The following ADTRP variants were observed in gnomAD, a reference collection of about 807,000 sequenced individuals.
ADTRP encodes androgen-dependent TFPI-regulating protein.
In ADTRP, 20 loss-of-function variants were observed where a neutral mutation model predicts 27.0. That is an observed-to-expected ratio of 0.74 (90% confidence interval 0.52 to 1.08). The LOEUF (loss-of-function observed/expected upper bound fraction) is 1.08. Among genes scored for constraint, ADTRP ranks in the 50% least tolerant of loss-of-function variants. The pLI, the probability that ADTRP is intolerant of heterozygous loss-of-function variation, is 0.00. For missense variants in ADTRP, 251 were observed against 275.0 expected (o/e 0.91, Z 0.62); for synonymous variants, 101 against 105.2 (o/e 0.96, Z 0.25).
At chr6:11,736,645 T>C (rs1325409619) in intron 3 of ADTRP, 1 of 152,508 alleles carries the variant, frequency 6.6e-6, no homozygotes, top group East Asian at 1.9e-4. Context: ...CTCCCTGGGA[T>C]TCAAATCCTC....
Position 11,714,337 on chromosome 6 carries a change from T to C in ADTRP, c.*141A>G, listed in dbSNP as rs780883932. Reference sequence around the variant, plus strand: ...AAGTTAAGCTACCTTCACGAACCTCTTATTAAATTTAAGTATCACTCTCTG... The same window carrying C: ...AAGTTAAGCTACCTTCACGAACCTCCTATTAAATTTAAGTATCACTCTCTG... On this transcript the variant is annotated 3_prime_UTR_variant, in exon 6 of 6. Transcript: ENST00000414691. The C allele has an allele frequency of 1.3e-4, 127 of 955,742 alleles. No homozygotes were observed. The highest frequency in any genetic ancestry group is 2.9e-4 in the Admixed American group (10 of 34,970). The allele number at this position is 955,742 out of a possible 1,614,324, so 59.2% of individuals were successfully genotyped here.
At chr6:11,715,462 G>A (rs571674759) in intron 5 of ADTRP, among the ~76,000 whole-genome samples, 1 of 152,186 alleles carries the variant, frequency 6.6e-6, no homozygotes, top group Admixed American at 6.5e-5. Flanking sequence ...TGATCATGCA[G>A]TCCTCATGGC....
intron 1 of ADTRP, among the ~76,000 whole-genome samples, chr6:11,777,678 G>A (rs1358698541): frequency 6.6e-6 from 1 of 152,174 alleles, no homozygotes; most frequent in East Asian, 1.9e-4. Flanking sequence ...CAACCAGTGA[G>A]GAGGAAGCAG....
chr6:11,733,907 A>G (rs1762463718), intron 4 of ADTRP, among the ~76,000 whole-genome samples: 3 of 152,196 alleles, frequency 2.0e-5, no homozygotes. Flanking sequence ...GGTGCTTTTC[A>G]TCTTCTTCAT....
chr6:11,768,308 T>TA lies in ADTRP; in HGVS notation c.228dup (p.Lys77Ter), dbSNP rs1193446779. 1 of 1,614,098 alleles carries TA rather than the reference T, an allele frequency of 6.2e-7. No homozygotes were observed. The highest frequency in any genetic ancestry group is 2.2e-5 in the East Asian group (1 of 44,900). The stretch of plus-strand genomic sequence containing the variant: ...AGGTCTCTGAAGGCAGTTAGGAACT[T>TA]AATGTCTTTTCCCCCTTTGGTTCTT... On this transcript the variant is annotated frameshift_variant, in exon 2 of 6. Coordinates refer to ENST00000414691, the MANE Select transcript of ADTRP (RefSeq NM_032744.4). LOFTEE classifies it high-confidence loss of function.
chr6:11,765,670 C>G (rs1763549593), intron 3 of ADTRP, among the ~76,000 whole-genome samples: 1 of 152,014 alleles, frequency 6.6e-6, no homozygotes, highest in South Asian at 2.1e-4. Context: ...GACCTGGCAA[C>G]CTCATGCCAG....
chr6:11,746,422 T>TG (rs1762868163), intron 3 of ADTRP, among the ~76,000 whole-genome samples: 1 of 152,114 alleles, frequency 6.6e-6, no homozygotes, highest in African/African-American at 2.4e-5. Flanking sequence ...GTCTTTGTGG[T>TG]GGGGGGTAGG....
chr6:11,741,813 C>G (rs1440127783), intron 3 of ADTRP, among the ~76,000 whole-genome samples: 8 of 152,106 alleles, frequency 5.3e-5, no homozygotes, highest in Non-Finnish European at 1.2e-4. Context: ...CTCTCCACCC[C>G]TCTAAAGTAT....
intron 5 of ADTRP, among the ~76,000 whole-genome samples, chr6:11,718,067 C>T (rs1352078984): frequency 6.6e-6 from 1 of 152,218 alleles, no homozygotes; most frequent in African/African-American, 2.4e-5. Flanking sequence ...TTTTAAAAAA[C>T]CTGGTTTATG....
intron 3 of ADTRP, among the ~76,000 whole-genome samples, chr6:11,737,111 A>C (rs114981805): frequency 0.014 from 2,134 of 152,308 alleles, 47 homozygotes; most frequent in African/African-American, 0.048. Context: ...CTGACCTGGG[A>C]AAGGTCACTG....
intron 4 of ADTRP, among the ~76,000 whole-genome samples, chr6:11,731,824 C>G (rs146537338): frequency 6.6e-6 from 1 of 152,260 alleles, no homozygotes; most frequent in East Asian, 1.9e-4. Context: ...TGGGTCATCT[C>G]CACTTATTAA....
At chr6:11,753,896 C>A (rs1484682760) in intron 3 of ADTRP, among the ~76,000 whole-genome samples, 1 of 152,190 alleles carries the variant, frequency 6.6e-6, no homozygotes, top group African/African-American at 2.4e-5. Flanking sequence ...ATCATCAGGG[C>A]TGAATTCTGT....
At chr6:11,730,474 C>T (rs906187110) in intron 4 of ADTRP, among the ~76,000 whole-genome samples, 1 of 152,080 alleles carries the variant, frequency 6.6e-6, no homozygotes. Context: ...GAATAAAAAC[C>T]AGAAAGAGAA....
intron 3 of ADTRP, among the ~76,000 whole-genome samples, chr6:11,755,414 A>G (rs760619172): frequency 2.6e-5 from 4 of 152,258 alleles, no homozygotes; most frequent in Non-Finnish European, 5.9e-5. Context: ...GCATGCTTTC[A>G]TCATCCTGGT....
At chr6:11,767,018 C>G (rs1763595168) in intron 2 of ADTRP, among the ~76,000 whole-genome samples, 1 of 152,250 alleles carries the variant, frequency 6.6e-6, no homozygotes, top group Non-Finnish European at 1.5e-5. Flanking sequence ...TATCTTCTGA[C>G]ATTTCACACA....
chr6:11,755,471 C>T (rs1454517136), intron 3 of ADTRP, among the ~76,000 whole-genome samples: 1 of 152,208 alleles, frequency 6.6e-6, no homozygotes, highest in Non-Finnish European at 1.5e-5. Context: ...AGTGCCTGGT[C>T]CTAGCTATGG....
chr6:11,718,864 C>A (rs764963321), intron 5 of ADTRP, among the ~76,000 whole-genome samples: 2 of 152,174 alleles, frequency 1.3e-5, no homozygotes, highest in Non-Finnish European at 2.9e-5. Flanking sequence ...AAGGACCTTC[C>A]TGTGGGCCAT....
chr6:11,741,016 C>T (rs906851377), intron 3 of ADTRP, among the ~76,000 whole-genome samples: 13 of 152,096 alleles, frequency 8.5e-5, no homozygotes, highest in African/African-American at 3.1e-4. Context: ...CCCTTTTCTA[C>T]TTTCTAGGAA....
chr6:11,738,069 T>C (rs1332906474), intron 3 of ADTRP, among the ~76,000 whole-genome samples: 2 of 152,196 alleles, frequency 1.3e-5, no homozygotes, highest in Non-Finnish European at 2.9e-5. Context: ...GCTATGGGGA[T>C]TGACGTGAGT....
Sources: gnomAD v4.1 joint callset for allele counts (sites outside exome capture counted in the v4.1 genomes callset) on GRCh38, gnomAD v4.1.1 for gene constraint, MANE v1.5 for transcripts, NCBI Gene and HGNC (gene_info 2026-07-23, HGNC 2026-07-21) for gene names.